NOL4: variants seen among roughly 807,000 people sequenced by gnomAD.
The protein encoded by NOL4 is cancer/testis antigen 125.
Under a neutral mutation model 75.9 loss-of-function variants are expected in NOL4, and 17 were observed. That is an observed-to-expected ratio of 0.22 (90% confidence interval 0.15 to 0.34). The LOEUF is 0.34. NOL4 is among the 10% of genes least tolerant of loss of function. The pLI is 1.00. For missense variants in NOL4, 614 were observed against 793.5 expected (o/e 0.77, Z 2.72); for synonymous variants, 292 against 289.9 (o/e 1.01, Z -0.07).
At chr18:34,022,744 C>T (rs1393305139) in intron 5 of NOL4, among the ~76,000 whole-genome samples, 1 of 151,620 alleles carries the variant, frequency 6.6e-6, no homozygotes, top group Non-Finnish European at 1.5e-5. Flanking sequence ...TTAAATAACC[C>T]TAAGTATATA....
intron 5 of NOL4, 54 bp downstream of exon 5, chr18:34,093,411 C>T: frequency 2.7e-6 from 4 of 1,500,494 alleles, no homozygotes; most frequent in Admixed American, 4.4e-5. Flanking sequence ...TCCATGCATT[C>T]TGACTCATTT....
chr18:33,903,803 C>A (rs1371213186), intron 9 of NOL4, among the ~76,000 whole-genome samples: 2 of 152,054 alleles, frequency 1.3e-5, no homozygotes, highest in Non-Finnish European at 2.9e-5. Flanking sequence ...TGTTTCTCTT[C>A]AGAATTTAAA....
chr18:34,214,378 G>C (rs1458201863), intron 1 of NOL4, among the ~76,000 whole-genome samples: 1 of 152,006 alleles, frequency 6.6e-6, no homozygotes, highest in Admixed American at 6.6e-5. Flanking sequence ...GTATATACTG[G>C]GGGAATCTTT....
chr18:33,867,534 G>A (rs918133859), intron 10 of NOL4, among the ~76,000 whole-genome samples: 2 of 151,910 alleles, frequency 1.3e-5, no homozygotes, highest in Non-Finnish European at 2.9e-5. Flanking sequence ...AAACTGTCTG[G>A]TATTTCCTCA....
intron 5 of NOL4, among the ~76,000 whole-genome samples, chr18:34,038,316 T>A (rs2076000173): frequency 6.6e-6 from 1 of 152,048 alleles, no homozygotes; most frequent in Non-Finnish European, 1.5e-5. Context: ...ACAAGCACTA[T>A]GAAAAACAGC....
intron 5 of NOL4, among the ~76,000 whole-genome samples, chr18:34,028,807 G>A (rs1309015349): frequency 6.6e-6 from 1 of 152,218 alleles, no homozygotes; most frequent in Non-Finnish European, 1.5e-5. Context: ...AACTTCGTTA[G>A]TAGCTGCAGC....
chr18:34,130,604 G>T (rs2080595465), intron 1 of NOL4, among the ~76,000 whole-genome samples: 1 of 152,010 alleles, frequency 6.6e-6, no homozygotes, highest in Non-Finnish European at 1.5e-5. Context: ...CTACTTGGAA[G>T]CAGCATATTT....
chr18:33,880,575 C>T (rs778207034), intron 10 of NOL4, among the ~76,000 whole-genome samples: 3 of 151,948 alleles, frequency 2.0e-5, no homozygotes, highest in Non-Finnish European at 4.4e-5. Flanking sequence ...CACTGCTGAC[C>T]GAGCATGCCA....
chr18:33,923,414 C>G (rs906014360), intron 9 of NOL4, among the ~76,000 whole-genome samples: 1 of 151,824 alleles, frequency 6.6e-6, no homozygotes, highest in African/African-American at 2.4e-5. Context: ...TACATATTAA[C>G]AGTTTATCTG....
At chr18:34,070,821 T>C (rs1392807988) in intron 5 of NOL4, among the ~76,000 whole-genome samples, 1 of 152,198 alleles carries the variant, frequency 6.6e-6, no homozygotes, top group East Asian at 1.9e-4. Context: ...TTTATGCTTC[T>C]TACTCTTTGT....
At chr18:34,169,405 C>A (rs1397214441) in intron 1 of NOL4, among the ~76,000 whole-genome samples, 1 of 146,718 alleles carries the variant, frequency 6.8e-6, no homozygotes, top group African/African-American at 2.5e-5. Context: ...TGGTATTTAA[C>A]TAATTTTTAA....
intron 10 of NOL4, among the ~76,000 whole-genome samples, chr18:33,860,588 A>G (rs925170893): frequency 6.6e-6 from 1 of 152,156 alleles, no homozygotes; most frequent in Non-Finnish European, 1.5e-5. Context: ...AACAGGGACA[A>G]TTTGACTTCC....
At chr18:34,032,837 G>A (rs578238193) in intron 5 of NOL4, among the ~76,000 whole-genome samples, 1 of 152,254 alleles carries the variant, frequency 6.6e-6, no homozygotes, top group South Asian at 2.1e-4. Flanking sequence ...TGCCATCACT[G>A]GGGCCTAAAG....
intron 1 of NOL4, among the ~76,000 whole-genome samples, chr18:34,201,803 C>T (rs1230843811): frequency 6.6e-6 from 1 of 151,630 alleles, no homozygotes; most frequent in Admixed American, 6.6e-5. Context: ...TCTATTTCAA[C>T]CTATAATTTA....
At chr18:34,125,753 T>A (rs182978503) in intron 2 of NOL4, among the ~76,000 whole-genome samples, 4 of 151,958 alleles carry the variant, frequency 2.6e-5, no homozygotes, top group Admixed American at 6.6e-5. Context: ...AGCATTTTTT[T>A]AAAAAAAGAG....
intron 1 of NOL4, among the ~76,000 whole-genome samples, chr18:34,202,072 T>C (rs2035781391): frequency 6.6e-6 from 1 of 151,912 alleles, no homozygotes; most frequent in Non-Finnish European, 1.5e-5. Flanking sequence ...GTCCTGGATC[T>C]GGTAACCAGT....
intron 5 of NOL4, among the ~76,000 whole-genome samples, chr18:34,085,372 A>G (rs2078197966): frequency 6.6e-6 from 1 of 152,204 alleles, no homozygotes; most frequent in Non-Finnish European, 1.5e-5. Flanking sequence ...CACTGTCAAG[A>G]AGATAGTGAC....
intron 9 of NOL4, among the ~76,000 whole-genome samples, chr18:33,918,574 A>G (rs1231860106): frequency 6.6e-6 from 1 of 152,216 alleles, no homozygotes; most frequent in East Asian, 1.9e-4. Context: ...TGTCTACTAA[A>G]GAAACGTGTA....
intron 9 of NOL4, among the ~76,000 whole-genome samples, chr18:33,941,791 C>T (rs902996473): frequency 4.0e-5 from 6 of 151,824 alleles, no homozygotes; most frequent in Non-Finnish European, 8.8e-5. Flanking sequence ...CTATTTAGTT[C>T]CAGAATGTGC....
Sources: allele counts gnomAD v4.1 joint callset (sites outside exome capture counted in the v4.1 genomes callset), GRCh38; gene constraint gnomAD v4.1.1; transcripts MANE v1.5; gene names NCBI Gene and HGNC (gene_info 2026-07-23, HGNC 2026-07-21).